Variants in HEATR5A observed in about 807,000 individuals in gnomAD.
HEATR5A encodes the protein HEAT repeat containing 5A.
HEATR5A carries 178 observed loss-of-function variants against 218.8 expected under a neutral mutation model. The ratio of observed to expected loss-of-function variants is 0.81; its 90% CI spans 0.72 to 0.92. The LOEUF (loss-of-function observed/expected upper bound fraction) is 0.92, where lower values mean the gene tolerates loss of function less well. HEATR5A is among the 40% of genes least tolerant of loss of function. The pLI, the probability that HEATR5A is intolerant of heterozygous loss-of-function variation, is 0.00. For synonymous variants in HEATR5A, 864 were observed against 871.6 expected, an observed-to-expected ratio of 0.99 and a Z score of 0.15; for missense variants, 2,420 against 2,418.9, an observed-to-expected ratio of 1.00 and a Z score of -0.01.
In HEATR5A at chr14:31,384,107, C is replaced by T. The variant is rs1370890357; in HGVS notation, c.1346-336G>A. 5.3e-5 allele frequency among the ~76,000 whole-genome samples: 8 copies of T among 152,194 alleles called. 1 individual carries two copies. The East Asian group carries it at 1.2e-3, about 22-fold the overall frequency. ...CTTCAGATCAATTATTAATTTGGTA[C>T]TAAAAATTAAAAGTTATCAACAAAT... On this transcript the variant is annotated intron_variant, in intron 9 of 35. Transcript: ENST00000543095.
intron 22 of HEATR5A, among the ~76,000 whole-genome samples, chr14:31,332,969 C>T: frequency 7.0e-6 from 1 of 143,276 alleles, no homozygotes; most frequent in Middle Eastern, 3.6e-3. Flanking sequence ...CTGGGTGACA[C>T]AGCAAGACTC....
At chr14:31,418,827 AC>A (rs1315160160) in intron 1 of HEATR5A, among the ~76,000 whole-genome samples, 6 of 152,206 alleles carry the variant, frequency 3.9e-5, no homozygotes, top group Non-Finnish European at 7.4e-5. Flanking sequence ...TCAGAATTTA[AC>A]CCTTATGTTA....
intron 9 of HEATR5A, among the ~76,000 whole-genome samples, chr14:31,385,430 AAAAAGTGATTTTT>A (rs2030178206): frequency 1.3e-5 from 2 of 152,296 alleles, no homozygotes; most frequent in East Asian, 3.9e-4. Context: ...TGCCAGGCCT[AAAAAGTGATTTTT>A]AAAAGTGATT....
chr14:31,338,059 G>A (rs752582892), intron 21 of HEATR5A, among the ~76,000 whole-genome samples: 9 of 152,054 alleles, frequency 5.9e-5, no homozygotes, highest in Non-Finnish European at 8.8e-5. Context: ...TGGAGGCTCC[G>A]GAGTCAAAAT....
intron 6 of HEATR5A, among the ~76,000 whole-genome samples, chr14:31,390,368 A>G (rs1000119940): frequency 3.9e-5 from 6 of 152,172 alleles, no homozygotes; most frequent in Non-Finnish European, 5.9e-5. Flanking sequence ...AGGGGGGTAA[A>G]GATAGAAGCA....
intron 16 of HEATR5A, among the ~76,000 whole-genome samples, chr14:31,354,552 G>A (rs1479735665): frequency 6.6e-6 from 1 of 152,124 alleles, no homozygotes; most frequent in Non-Finnish European, 1.5e-5. Context: ...ATGGAGATGA[G>A]TTATTTTTAG....
At chr14:31,358,616 T>C (rs887928093) in intron 16 of HEATR5A, 21 bp downstream of exon 16, 3 of 1,604,606 alleles carry the variant, frequency 1.9e-6, no homozygotes, top group Admixed American at 1.7e-5. Flanking sequence ...ATCCATTCAC[T>C]GAACCATTGA....
rs8017305 is a variant in HEATR5A, at chr14:31,419,816, G to C, written c.-75+656C>G. Among the ~76,000 whole-genome samples, 1,500 of 152,332 alleles carry C rather than the reference G, an allele frequency of 9.8e-3. 18 individuals carry two copies. The highest frequency in any genetic ancestry group is 0.034 in the African/African-American group (1,424 of 41,572). ...TAACGCCGCGTTGGCCGAGAGTAGGGTGAAAGAAAATGTTTCCTCACACTA... is the reference window on the plus strand; with the variant it reads ...TAACGCCGCGTTGGCCGAGAGTAGGCTGAAAGAAAATGTTTCCTCACACTA... On this transcript the variant is annotated intron_variant, in intron 1 of 35. Transcript: ENST00000543095.
chr14:31,356,795 A>T (rs1411905184), intron 16 of HEATR5A, among the ~76,000 whole-genome samples: 1 of 152,142 alleles, frequency 6.6e-6, no homozygotes, highest in Non-Finnish European at 1.5e-5. Context: ...CGAAAAGAAA[A>T]CTTCTCTAGA....
chr14:31,402,889 C>T lies in HEATR5A; in HGVS notation c.87G>A (p.Trp29Ter). 1.3e-6 allele frequency: 2 copies of T among 1,536,562 alleles called. No homozygotes were observed. The highest frequency in any genetic ancestry group is 1.7e-6 in the Non-Finnish European group (2 of 1,146,944). Residue 29 changes from tryptophan to a stop codon, truncating the protein, a stop_gained, in exon 2 of 36, where the codon TGG becomes TGA. Transcript: ENST00000543095. LOFTEE classifies it high-confidence loss of function. The part of the protein sequence containing the change: ...EVQKAEFIFE[W>*]LRYLEKLLLA... ...ACAAGAGCTTCTCCAAGTATCTCAA[C>T]CACTCAAAAATAAACTCTGCCTTCT...
intron 1 of HEATR5A, among the ~76,000 whole-genome samples, chr14:31,413,558 A>G (rs1269076680): frequency 1.3e-5 from 2 of 152,066 alleles, no homozygotes; most frequent in African/African-American, 4.8e-5. Context: ...AGCGTAAAAG[A>G]AAGTGTTCTG....
intron 28 of HEATR5A, among the ~76,000 whole-genome samples, chr14:31,311,018 AAACCAACC>A (rs57787677): frequency 0.31 from 45,568 of 148,520 alleles, 7,823 homozygotes; most frequent in Non-Finnish European, 0.39. Flanking sequence ...CTGTCTCTAA[AAACCAACC>A]AACCAACCAA....
chr14:31,343,746 C>T, intron 21 of HEATR5A, 150 bp downstream of exon 21: 1 of 527,406 alleles, frequency 1.9e-6, no homozygotes, highest in Non-Finnish European at 3.1e-6. Context: ...CTGCCCCCTA[C>T]TCCCGAAAAA....
At chr14:31,299,802 G>C (rs1899307612) in intron 33 of HEATR5A, among the ~76,000 whole-genome samples, 1 of 151,530 alleles carries the variant, frequency 6.6e-6, no homozygotes, top group Non-Finnish European at 1.5e-5. Flanking sequence ...GGAGGCTGAG[G>C]CAGGCGGATC....
chr14:31,338,023 T>C (rs994587567), intron 21 of HEATR5A, among the ~76,000 whole-genome samples: 3 of 152,216 alleles, frequency 2.0e-5, no homozygotes, highest in African/African-American at 4.8e-5. Context: ...CACATCCATA[T>C]AGGCAATACA....
chr14:31,406,425 C>G lies in HEATR5A; in HGVS notation c.-74-3376G>C, dbSNP rs540623300. On this transcript the variant is annotated intron_variant, in intron 1 of 35. Transcript: ENST00000543095. ...TACTGCTTACTTATTATAGTCTAAGCAGTACTCTAAGTGCTTTACATTATT... is the reference window on the plus strand; with the variant it reads ...TACTGCTTACTTATTATAGTCTAAGGAGTACTCTAAGTGCTTTACATTATT... Among the ~76,000 whole-genome samples the G allele has an allele frequency of 1.8e-3, 279 of 152,300 alleles. 1 individual carries two copies. The highest frequency in any genetic ancestry group is 3.1e-3 in the Non-Finnish European group (214 of 68,016).
At chr14:31,383,800 G>A (rs2030092197) in intron 9 of HEATR5A, 29 bp from the exon 10 acceptor site, 1 of 1,591,064 alleles carries the variant, frequency 6.3e-7, no homozygotes, top group African/African-American at 1.3e-5. Context: ...GATGACTTAG[G>A]TACATAGATA....
At position 31,293,152 on chromosome 14, in the gene HEATR5A, A is replaced by T; in HGVS notation, c.*153T>A. 1.8e-6 allele frequency: 1 copy of T among 544,116 alleles called. No individual in the cohort carries two copies. The highest frequency in any genetic ancestry group is 3.1e-6 in the Non-Finnish European group (1 of 317,992). The allele number at this position is 544,116 out of a possible 1,614,324, so 33.7% of individuals were successfully genotyped here. ...CCCCACGCACACACACAAAAATGTT[A>T]AGTATGCTGTTACTTTGAAGAGTCA... On this transcript the variant is annotated 3_prime_UTR_variant, in exon 36 of 36. Coordinates refer to ENST00000543095, the MANE Select transcript of HEATR5A (RefSeq NM_015473.4).
chr14:31,389,126 A>C, intron 6 of HEATR5A, 121 bp from the exon 7 acceptor site: 2 of 882,000 alleles, frequency 2.3e-6, no homozygotes, highest in South Asian at 3.4e-5. Flanking sequence ...ACAAAATGCA[A>C]AATTTACAGA....
Sources: gnomAD v4.1 joint callset for allele counts (sites outside exome capture counted in the v4.1 genomes callset) on GRCh38, gnomAD v4.1.1 for gene constraint, MANE v1.5 for transcripts, NCBI Gene and HGNC (gene_info 2026-07-23, HGNC 2026-07-21) for gene names.